Variants in SSUH2 observed in about 807,000 individuals in gnomAD.
The protein encoded by SSUH2 is ssu-2 homolog.
In SSUH2, 47 loss-of-function variants were observed where a neutral mutation model predicts 55.3. The observed-to-expected ratio is 0.85, with a 90% confidence interval of 0.67 to 1.08. The LOEUF is 1.08. SSUH2 is among the 50% of genes least tolerant of loss of function. SSUH2 has a pLI of 0.00. For missense variants in SSUH2, 535 were observed against 490.7 expected (o/e 1.09, Z -0.85); for synonymous variants, 212 against 191.5 (o/e 1.11, Z -0.89).
chr3:8,633,884 G>C (rs1335018524), intron 3 of SSUH2, 89 bp from the exon 4 acceptor site: 3 of 1,614,000 alleles, frequency 1.9e-6, no homozygotes, highest in Middle Eastern at 1.6e-4. Flanking sequence ...GTGCAGGCGA[G>C]AAACTGAGGC....
Position 8,629,719 on chromosome 3 carries a change from T to A in SSUH2, c.533A>T (p.His178Leu), listed in dbSNP as rs1353160473. The A allele has an allele frequency of 6.2e-7, 1 of 1,614,108 alleles. No homozygotes were observed. Among genetic ancestry groups the A allele is most frequent in the African/African-American group, 1.3e-5 (1 of 75,062 alleles). ...GTACCGCCCACGCCCATGGCATTTG[T>A]GGCATTCCTGAAAGTGCAACGCTTT... ...VPHSSLVKEC[H>L]KCHGRGRYKC... Residue 178 changes from histidine to leucine, a missense_variant, in exon 7 of 12, where the codon CAC becomes CTC. Transcript: ENST00000544814.
intron 5 of SSUH2, among the ~76,000 whole-genome samples, chr3:8,665,748 G>A (rs1426821121): frequency 6.6e-6 from 1 of 152,136 alleles, no homozygotes; most frequent in Non-Finnish European, 1.5e-5. Flanking sequence ...CAAGGCTGTG[G>A]CAATGTTAGA....
At chr3:8,679,441 AC>A in intron 2 of SSUH2, among the ~76,000 whole-genome samples, 2 of 89,942 alleles carry the variant, frequency 2.2e-5, no homozygotes, top group East Asian at 4.5e-4. Flanking sequence ...GACCCCCATC[AC>A]AGCGGGGGGA....
intron 3 of SSUH2, chr3:8,634,553 G>GC (rs1038522889): frequency 1.6e-6 from 2 of 1,289,698 alleles, no homozygotes; most frequent in African/African-American, 3.0e-5. Context: ...ACACAGAGGG[G>GC]CCCGTCTGTC....
chr3:8,673,761 C>T (rs543102439), intron 3 of SSUH2, among the ~76,000 whole-genome samples: 1 of 152,304 alleles, frequency 6.6e-6, no homozygotes, highest in South Asian at 2.1e-4. Context: ...AACCGAACAC[C>T]TGTTGGACCC....
chr3:8,670,711 G>A, intron 5 of SSUH2, among the ~76,000 whole-genome samples: 1 of 151,918 alleles, frequency 6.6e-6, no homozygotes, highest in East Asian at 1.9e-4. Flanking sequence ...ATCTCTTTAG[G>A]ATATCACAAA....
chr3:8,652,325 A>G (rs1252717745), intron 7 of SSUH2, among the ~76,000 whole-genome samples: 1 of 152,198 alleles, frequency 6.6e-6, no homozygotes, highest in African/African-American at 2.4e-5. Context: ...GTAGCCTTAT[A>G]GACCAGTAAC....
At chr3:8,679,228 G>GC (rs1481910862) in intron 2 of SSUH2, among the ~76,000 whole-genome samples, 1 of 1,066 alleles carries the variant, frequency 9.4e-4, no homozygotes, top group African/African-American at 2.5e-3. Flanking sequence ...CACCCTCCGT[G>GC]AGCGGGGACT....
At chr3:8,660,757 G>C (rs1703398288) in intron 6 of SSUH2, among the ~76,000 whole-genome samples, 1 of 152,198 alleles carries the variant, frequency 6.6e-6, no homozygotes, top group Non-Finnish European at 1.5e-5. Context: ...AGCTGCTTTT[G>C]TTTTGCTTCT....
intron 5 of SSUH2, among the ~76,000 whole-genome samples, chr3:8,665,008 C>T (rs1041887865): frequency 7.2e-5 from 11 of 152,136 alleles, no homozygotes; most frequent in African/African-American, 2.7e-4. Context: ...TAAGAATCAC[C>T]CTCACACAAG....
intron 3 of SSUH2, among the ~76,000 whole-genome samples, chr3:8,673,147 TAATG>T (rs1489983379): frequency 1.3e-5 from 2 of 152,096 alleles, no homozygotes; most frequent in Admixed American, 6.5e-5. Context: ...TACTGTTTTC[TAATG>T]AATAAGATCA....
chr3:8,678,858 C>A (rs1344383372), intron 2 of SSUH2, among the ~76,000 whole-genome samples: 4 of 113,960 alleles, frequency 3.5e-5, no homozygotes, highest in African/African-American at 9.0e-5. Context: ...AATCCCTCTT[C>A]CCCCAGCCTG....
At chr3:8,630,415 C>T (rs911278006) in intron 6 of SSUH2, among the ~76,000 whole-genome samples, 3 of 152,248 alleles carry the variant, frequency 2.0e-5, no homozygotes, top group African/African-American at 7.2e-5. Context: ...TACTGACTCT[C>T]ATGCAAAATC....
At chr3:8,625,877 A>G (rs1320240542) in intron 9 of SSUH2, among the ~76,000 whole-genome samples, 1 of 152,226 alleles carries the variant, frequency 6.6e-6, no homozygotes, top group Non-Finnish European at 1.5e-5. Context: ...CAAAGCACTT[A>G]GCAAGGTGCC....
chr3:8,671,938 T>C (rs1217337779), exon 4 of SSUH2: 2 of 152,014 alleles, frequency 1.3e-5, no homozygotes, highest in African/African-American at 4.8e-5. Flanking sequence ...GTTGACGGGA[T>C]TGTCAGTAAT....
chr3:8,627,932 G>T, intron 7 of SSUH2, 149 bp from the exon 8 acceptor site: 1 of 522,748 alleles, frequency 1.9e-6, no homozygotes, highest in Non-Finnish European at 3.3e-6. Context: ...GGGTGGAGAT[G>T]GGGTATCTTT....
Position 8,660,481 on chromosome 3 carries a change from A to T in SSUH2, c.-395-1468T>A, listed in dbSNP as rs1703366539. Among the ~76,000 whole-genome samples, 4 of 152,204 alleles carry T rather than the reference A, an allele frequency of 2.6e-5. 1 individual carries two copies. The South Asian group carries it at 8.3e-4, about 32-fold the overall frequency. On this transcript the variant is annotated intron_variant, in intron 6 of 18. Transcript: ENST00000317371. ...CTCTGTCTAGCAATCTCACTTCAAG[A>T]ACAGTTATAAGATAACACTGTTTGA...
At chr3:8,643,135 T>G (rs1240816023) in intron 1 of SSUH2, among the ~76,000 whole-genome samples, 1 of 152,196 alleles carries the variant, frequency 6.6e-6, no homozygotes, top group East Asian at 1.9e-4. Flanking sequence ...ACCTGATCAT[T>G]TCGTAGAGTC....
At chr3:8,674,634 G>A (rs902309712) in intron 3 of SSUH2, among the ~76,000 whole-genome samples, 3 of 152,290 alleles carry the variant, frequency 2.0e-5, no homozygotes, top group African/African-American at 7.2e-5. Context: ...AGGACATCAA[G>A]TCATTCATCA....
Sources: allele counts gnomAD v4.1 joint callset (sites outside exome capture counted in the v4.1 genomes callset), GRCh38; gene constraint gnomAD v4.1.1; transcripts MANE v1.5; gene names NCBI Gene and HGNC (gene_info 2026-07-23, HGNC 2026-07-21).